The following RABGEF1 variants were observed in gnomAD, a reference collection of about 807,000 sequenced individuals.
RABGEF1 encodes rab5 GDP/GTP exchange factor.
In RABGEF1, 26 loss-of-function variants were observed where a neutral mutation model predicts 57.3. The observed-to-expected ratio is 0.45, with a 90% CI of 0.33 to 0.63. RABGEF1 has a LOEUF of 0.63. Among genes scored for constraint, RABGEF1 ranks in the 20% least tolerant of loss-of-function variants. RABGEF1 has a pLI of 0.02. For missense variants in RABGEF1, 464 were observed against 607.6 expected (o/e 0.76, Z 2.48); for synonymous variants, 185 against 210.7 (o/e 0.88, Z 1.06).
At chr7:66,787,471 A>G (rs545979206) in intron 4 of RABGEF1, among the ~76,000 whole-genome samples, 13 of 151,024 alleles carry the variant, frequency 8.6e-5, no homozygotes, top group African/African-American at 2.9e-4. Flanking sequence ...AGCCTCCCGC[A>G]TAGCTGAGAT....
In RABGEF1 at chr7:66,810,863, C is replaced by A. The variant is rs556649590; in HGVS notation, c.*1579C>A. Reference sequence around the variant, plus strand: ...TAAAACCAGGGTGGGTATAAAACTTCTTATTCTTAAATTTACATATAAGAT... The same window carrying A: ...TAAAACCAGGGTGGGTATAAAACTTATTATTCTTAAATTTACATATAAGAT... On this transcript the variant is annotated 3_prime_UTR_variant, in exon 9 of 9. Coordinates refer to ENST00000284957, the MANE Select transcript of RABGEF1 (RefSeq NM_014504.3). The A allele has an allele frequency of 6.6e-6, 1 of 152,294 alleles. No homozygotes were observed. The highest frequency in any genetic ancestry group is 2.1e-4 in the South Asian group (1 of 4,822). 9.4% of individuals were successfully genotyped at this position (152,294 alleles called of 1,614,324 possible).
upstream of RABGEF1, among the ~76,000 whole-genome samples, chr7:66,738,276 C>T (rs1186266075): frequency 1.3e-5 from 2 of 152,192 alleles, no homozygotes; most frequent in African/African-American, 2.4e-5. Flanking sequence ...GCCTTGGCCT[C>T]CCAAAGTGCT....
At chr7:66,795,470 T>G (rs1813800948) in intron 4 of RABGEF1, 41 bp from the exon 5 acceptor site, 1 of 1,516,024 alleles carries the variant, frequency 6.6e-7, no homozygotes, top group Non-Finnish European at 9.2e-7. Context: ...GCTTCTGCAC[T>G]TTGTTCAGCT....
intron 2 of RABGEF1, among the ~76,000 whole-genome samples, chr7:66,727,335 C>T (rs763790451): frequency 1.4e-4 from 22 of 152,216 alleles, no homozygotes; most frequent in Non-Finnish European, 2.4e-4. Context: ...TGGGGGTTCT[C>T]TGGACTCAGG....
intron 4 of RABGEF1, among the ~76,000 whole-genome samples, chr7:66,792,438 A>T (rs936927571): frequency 2.0e-5 from 3 of 152,194 alleles, no homozygotes; most frequent in African/African-American, 4.8e-5. Context: ...CAGTAGCCAG[A>T]GCATTTGCAT....
intron 2 of RABGEF1, among the ~76,000 whole-genome samples, chr7:66,728,951 CT>C (rs1208215962): frequency 1.3e-3 from 183 of 136,276 alleles, no homozygotes; most frequent in Middle Eastern, 3.9e-3. Context: ...TTCACCTCCA[CT>C]TTTTTTTTTT....
At chr7:66,732,191 G>A (rs1024881662) in intron 2 of RABGEF1, among the ~76,000 whole-genome samples, 1 of 152,232 alleles carries the variant, frequency 6.6e-6, no homozygotes, top group South Asian at 2.1e-4. Flanking sequence ...GGGCCTCGGT[G>A]CCTGGAGCAC....
intron 1 of RABGEF1, among the ~76,000 whole-genome samples, chr7:66,693,086 G>A (rs1039743292): frequency 6.6e-6 from 1 of 152,164 alleles, no homozygotes; most frequent in Admixed American, 6.5e-5. Context: ...TGAAAGGCAC[G>A]TCGTTCTAGA....
At chr7:66,696,064 A>AAT (rs1189719404) in intron 1 of RABGEF1, among the ~76,000 whole-genome samples, 3 of 151,566 alleles carry the variant, frequency 2.0e-5, no homozygotes, top group Non-Finnish European at 2.9e-5. Flanking sequence ...GGGACTTTAA[A>AAT]ATATATATAT....
intron 2 of RABGEF1, among the ~76,000 whole-genome samples, chr7:66,773,479 T>C (rs1259095892): frequency 1.3e-5 from 2 of 152,220 alleles, no homozygotes; most frequent in Non-Finnish European, 2.9e-5. Context: ...GTGACCCTGC[T>C]AAATCTCTCG....
chr7:66,718,161 G>A (rs2117473677), intron 2 of RABGEF1, among the ~76,000 whole-genome samples: 1 of 152,172 alleles, frequency 6.6e-6, no homozygotes, highest in South Asian at 2.1e-4. Flanking sequence ...TGGCCAACAT[G>A]GTGAAACCCT....
Position 66,742,537 on chromosome 7 carries a change from G to T in RABGEF1, c.-18+1745G>T, listed in dbSNP as rs189648223. Among the ~76,000 whole-genome samples the T allele has an allele frequency of 4.3e-4, 66 of 152,308 alleles. 1 individual carries two copies. The highest frequency in any genetic ancestry group is 6.2e-4 in the South Asian group (3 of 4,828). ...TGTCTTGAAGAATGACTAACATTCA[G>T]ACTAACAGGGTGGAGTGAGGGAGAG... On this transcript the variant is annotated intron_variant, in intron 1 of 8. Transcript: ENST00000284957.
intron 3 of RABGEF1, among the ~76,000 whole-genome samples, chr7:66,781,463 C>T (rs945158693): frequency 7.9e-5 from 12 of 152,236 alleles, no homozygotes; most frequent in African/African-American, 2.6e-4. Flanking sequence ...CTGCACCCAT[C>T]AACCCATCAC....
At chr7:66,670,189 C>T in the RABGEF1 span, among the ~76,000 whole-genome samples, 3 of 152,186 alleles carry the variant, frequency 2.0e-5, no homozygotes, top group Non-Finnish European at 4.4e-5. Flanking sequence ...ATTTCACTGT[C>T]CCCTAGTTCT....
intron 1 of RABGEF1, among the ~76,000 whole-genome samples, chr7:66,683,781 C>T (rs1790159784): frequency 6.6e-6 from 1 of 151,902 alleles, no homozygotes; most frequent in Non-Finnish European, 1.5e-5. Flanking sequence ...CACTTTGTCA[C>T]CCAGGCTGGA....
At chr7:66,698,764 C>G (rs1286410989) in intron 1 of RABGEF1, among the ~76,000 whole-genome samples, 1 of 152,226 alleles carries the variant, frequency 6.6e-6, no homozygotes, top group African/African-American at 2.4e-5. Flanking sequence ...GTGGGTCTGA[C>G]TCTGCCACCC....
chr7:66,729,714 C>G (rs1365272416), intron 2 of RABGEF1, among the ~76,000 whole-genome samples: 1 of 152,218 alleles, frequency 6.6e-6, no homozygotes. Context: ...CCTGCCATCA[C>G]TAAATACTTC....
the RABGEF1 span, among the ~76,000 whole-genome samples, chr7:66,658,108 T>C: frequency 6.6e-6 from 1 of 152,148 alleles, no homozygotes; most frequent in Admixed American, 6.6e-5. Flanking sequence ...TTACTGTGAC[T>C]TTACAACAAT....
Position 66,763,443 on chromosome 7 carries a change from C to G in RABGEF1, c.-17-8440C>G, listed in dbSNP as rs546925034. On this transcript the variant is annotated intron_variant, in intron 1 of 8. Coordinates refer to ENST00000284957, the MANE Select transcript of RABGEF1 (RefSeq NM_014504.3). ...CAAATTTCTTGGCTATTAGTCTCCT[C>G]CAGCTTCAAAACCATCAATAGTGCT... Among the ~76,000 whole-genome samples, 14 of 152,312 alleles carry G rather than the reference C, an allele frequency of 9.2e-5. No individual in the cohort carries two copies. The South Asian group carries it at 2.9e-3, about 32-fold the overall frequency.
Sources: gnomAD v4.1 joint callset for allele counts (sites outside exome capture counted in the v4.1 genomes callset) on GRCh38, gnomAD v4.1.1 for gene constraint, MANE v1.5 for transcripts, NCBI Gene and HGNC (gene_info 2026-07-23, HGNC 2026-07-21) for gene names.